The following CEP128 variants were observed in gnomAD, a reference collection of about 807,000 sequenced individuals.
The protein encoded by CEP128 is centrosomal protein 128kDa.
A neutral mutation model predicts 156.7 loss-of-function variants in CEP128; 132 were observed. That is an observed-to-expected ratio of 0.84 (90% CI 0.73 to 0.97). The LOEUF (loss-of-function observed/expected upper bound fraction) is 0.97, where lower values mean the gene tolerates loss of function less well. Among genes scored for constraint, CEP128 ranks in the 50% least tolerant of loss-of-function variants. CEP128 has a pLI of 0.00. For missense variants in CEP128, 1,252 were observed against 1,281.9 expected (o/e 0.98, Z 0.36); for synonymous variants, 469 against 448.9 (o/e 1.04, Z -0.57).
intron 24 of CEP128, among the ~76,000 whole-genome samples, chr14:80,499,299 T>C (rs1887631902): frequency 6.6e-6 from 1 of 152,180 alleles, no homozygotes; most frequent in Admixed American, 6.5e-5. Flanking sequence ...TGTGGATAAA[T>C]TATTTTTCAC....
At chr14:80,486,401 C>A (rs1318207873), downstream of CEP128, among the ~76,000 whole-genome samples, 2 of 151,920 alleles carry the variant, frequency 1.3e-5, no homozygotes, top group Non-Finnish European at 2.9e-5. Context: ...GATTGGTGTA[C>A]CTGAAAGTGA....
intron 20 of CEP128, among the ~76,000 whole-genome samples, chr14:80,566,351 T>A (rs1368237960): frequency 2.0e-5 from 3 of 152,234 alleles, no homozygotes; most frequent in Non-Finnish European, 4.4e-5. Flanking sequence ...TCAGTCATTT[T>A]AAATAATTAA....
chr14:80,847,153 CAA>C (rs376961188), intron 9 of CEP128, among the ~76,000 whole-genome samples: 31 of 152,070 alleles, frequency 2.0e-4, no homozygotes, highest in Middle Eastern at 3.4e-3. Flanking sequence ...AAAAAAACAT[CAA>C]AAGTGTTTTA....
chr14:80,654,666 CT>C (rs1165058507), intron 19 of CEP128, among the ~76,000 whole-genome samples: 3 of 152,108 alleles, frequency 2.0e-5, no homozygotes, highest in Admixed American at 6.6e-5. Flanking sequence ...TAATCTTCAT[CT>C]TTAATGTTCT....
chr14:80,541,645 C>A (rs1164839637), intron 21 of CEP128, among the ~76,000 whole-genome samples: 1 of 152,048 alleles, frequency 6.6e-6, no homozygotes, highest in Non-Finnish European at 1.5e-5. Context: ...CAATCTTACC[C>A]TTATCTAAAT....
intron 19 of CEP128, among the ~76,000 whole-genome samples, chr14:80,607,155 T>C (rs1168448802): frequency 6.6e-6 from 1 of 151,862 alleles, no homozygotes; most frequent in East Asian, 1.9e-4. Flanking sequence ...TATTGTTAAA[T>C]GTGTTATGTA....
At position 80,862,873 on chromosome 14, in the gene CEP128, C is replaced by T. The variant is rs757361554; in HGVS notation, c.646G>A (p.Val216Ile). ...AGCCGCCGCTCCACCCGATCTGAAACCTTAATAAGAATTCAGAGAAACAGC... is the reference window on the plus strand; with the variant it reads ...AGCCGCCGCTCCACCCGATCTGAAATCTTAATAAGAATTCAGAGAAACAGC... ...KLNEAQKQEV[V>I]SDRVERRLQE... Residue 216 changes from valine to isoleucine, a missense_variant and splice_region_variant, in exon 9 of 25, where the codon GTT becomes ATT. Transcript: ENST00000555265. The T allele has an allele frequency of 3.7e-6, 6 of 1,606,508 alleles. No homozygotes were observed. The highest frequency in any genetic ancestry group is 5.1e-6 in the Non-Finnish European group (6 of 1,173,242).
chr14:80,504,654 T>A (rs1386726689), intron 24 of CEP128, among the ~76,000 whole-genome samples: 1 of 152,166 alleles, frequency 6.6e-6, no homozygotes, highest in Non-Finnish European at 1.5e-5. Flanking sequence ...AAACGAAAAA[T>A]TTGCCTAATT....
At chr14:80,895,923 C>G (rs1595560648) in intron 7 of CEP128, 133 bp from the exon 8 acceptor site, 1 of 672,592 alleles carries the variant, frequency 1.5e-6, no homozygotes, top group African/African-American at 1.8e-5. Flanking sequence ...TTATAAACAT[C>G]TGAAACACGT....
rs140012824 is a variant in CEP128, at chr14:80,526,662, G to A, written c.3072+207C>T. 4.8e-4 allele frequency: 205 copies of A among 427,412 alleles called. 1 individual carries two copies. Among genetic ancestry groups the A allele is most frequent in the African/African-American group, 3.9e-3 (194 of 50,364 alleles). 26.5% of individuals were successfully genotyped at this position (427,412 alleles called of 1,614,324 possible). ...TCAAGCAGTGATGGCACAGACTTAAGGCTTACTTCCCAGACAAAATGTGGT... is the reference window on the plus strand; with the variant it reads ...TCAAGCAGTGATGGCACAGACTTAAAGCTTACTTCCCAGACAAAATGTGGT... On this transcript the variant is annotated intron_variant, in intron 23 of 24. Coordinates refer to ENST00000555265, the MANE Select transcript of CEP128 (RefSeq NM_152446.5).
chr14:80,655,244 A>G (rs2140870152), intron 19 of CEP128, among the ~76,000 whole-genome samples: 1 of 152,290 alleles, frequency 6.6e-6, no homozygotes, highest in East Asian at 1.9e-4. Flanking sequence ...CCTTATTTAT[A>G]TCTCCATCCC....
At chr14:80,757,350 G>T (rs1899718282) in intron 17 of CEP128, among the ~76,000 whole-genome samples, 1 of 152,142 alleles carries the variant, frequency 6.6e-6, no homozygotes, top group Non-Finnish European at 1.5e-5. Context: ...TGATTACATG[G>T]AAACAATTCT....
intron 21 of CEP128, among the ~76,000 whole-genome samples, chr14:80,545,810 A>T (rs1427713836): frequency 6.6e-6 from 1 of 152,208 alleles, no homozygotes; most frequent in Admixed American, 6.5e-5. Context: ...GACACACTAA[A>T]GGCAATTCTT....
chr14:80,525,054 C>T (rs78566509), intron 23 of CEP128, among the ~76,000 whole-genome samples: 9,869 of 152,160 alleles, frequency 0.065, 535 homozygotes, highest in African/African-American at 0.15. Context: ...TGGGTGCCAC[C>T]AGATAGCACC....
chr14:80,914,931 G>T (rs1392098347), intron 3 of CEP128, among the ~76,000 whole-genome samples: 1 of 152,080 alleles, frequency 6.6e-6, no homozygotes, highest in Non-Finnish European at 1.5e-5. Flanking sequence ...ATTAATCAAG[G>T]TATTTCTTTC....
intron 2 of CEP128, among the ~76,000 whole-genome samples, chr14:80,938,136 G>A (rs570731476): frequency 3.3e-5 from 5 of 152,004 alleles, no homozygotes; most frequent in South Asian, 4.1e-4. Context: ...GGGCTCAAGC[G>A]ATCCTCCTGC....
intron 19 of CEP128, among the ~76,000 whole-genome samples, chr14:80,689,070 T>C (rs921406972): frequency 7.9e-5 from 12 of 152,062 alleles, no homozygotes; most frequent in Admixed American, 5.2e-4. Context: ...GGATAAGAAA[T>C]GTATCTTTAC....
intron 19 of CEP128, among the ~76,000 whole-genome samples, chr14:80,699,653 GAGATTAAAC>G (rs1328036011): frequency 1.1e-4 from 4 of 37,030 alleles, no homozygotes; most frequent in Admixed American, 3.7e-4. Context: ...AATACACAGA[GAGATTAAAC>G]CTATTAAACC....
intron 19 of CEP128, among the ~76,000 whole-genome samples, chr14:80,690,063 T>G (rs1285038822): frequency 4.0e-5 from 6 of 151,798 alleles, no homozygotes; most frequent in African/African-American, 9.7e-5. Flanking sequence ...CTTGCTATTG[T>G]GTTAGGAATG....
Sources: allele counts gnomAD v4.1 joint callset (sites outside exome capture counted in the v4.1 genomes callset), GRCh38; gene constraint gnomAD v4.1.1; transcripts MANE v1.5; gene names NCBI Gene and HGNC (gene_info 2026-07-23, HGNC 2026-07-21).